Variants in ENOX1 observed in about 807,000 individuals in gnomAD.
The protein encoded by ENOX1 is candidate growth-related and time keeping constitutive hydroquinone (NADH) oxidase.
ENOX1 carries 42 observed loss-of-function variants against 82.5 expected under a neutral mutation model. The observed-to-expected ratio is 0.51, with a 90% CI of 0.40 to 0.66. The LOEUF is 0.66. Ranked by LOEUF, ENOX1 falls within the 30% of genes least tolerant of loss-of-function variation. ENOX1 has a pLI of 0.00. For missense variants in ENOX1, 608 were observed against 811.6 expected (o/e 0.75, Z 3.05); for synonymous variants, 271 against 282.2 (o/e 0.96, Z 0.40).
At chr13:43,315,098 T>C (rs950264558) in intron 11 of ENOX1, among the ~76,000 whole-genome samples, 7 of 152,228 alleles carry the variant, frequency 4.6e-5, no homozygotes, top group South Asian at 2.1e-4. Context: ...AAAATACTTA[T>C]GTAGTTAACT....
chr13:43,644,354 T>G (rs969989259), intron 2 of ENOX1, among the ~76,000 whole-genome samples: 10 of 152,218 alleles, frequency 6.6e-5, no homozygotes, highest in Admixed American at 5.9e-4. Flanking sequence ...GATAGCTCTG[T>G]GTACGCCTAC....
At chr13:43,231,099 G>A (rs143994230) in intron 15 of ENOX1, among the ~76,000 whole-genome samples, 1 of 152,298 alleles carries the variant, frequency 6.6e-6, no homozygotes, top group Non-Finnish European at 1.5e-5. Flanking sequence ...GGAGCACCTT[G>A]GGGCTTTCCA....
chr13:43,766,675 T>C (rs1319884588), intron 1 of ENOX1, among the ~76,000 whole-genome samples: 2 of 152,322 alleles, frequency 1.3e-5, no homozygotes, highest in East Asian at 3.9e-4. Context: ...CAAGTCCCAA[T>C]GTTCCCATTG....
At chr13:43,401,192 T>A (rs1054500120) in intron 5 of ENOX1, among the ~76,000 whole-genome samples, 1 of 152,176 alleles carries the variant, frequency 6.6e-6, no homozygotes, top group Admixed American at 6.5e-5. Flanking sequence ...ACTTCTTATA[T>A]CCCTAGGCAA....
intron 1 of ENOX1, among the ~76,000 whole-genome samples, chr13:43,728,232 G>T (rs531928953): frequency 1.3e-5 from 2 of 152,250 alleles, no homozygotes; most frequent in South Asian, 4.2e-4. Context: ...TCTTTTTCTT[G>T]AACAGTCCTT....
At chr13:43,720,396 A>G (rs1248571077) in intron 1 of ENOX1, among the ~76,000 whole-genome samples, 2 of 152,122 alleles carry the variant, frequency 1.3e-5, no homozygotes, top group Non-Finnish European at 2.9e-5. Flanking sequence ...TTCCTTCCTC[A>G]ATGGCTACTC....
At chr13:43,214,609 A>G (rs1028796548) in intron 16 of ENOX1, among the ~76,000 whole-genome samples, 21 of 152,172 alleles carry the variant, frequency 1.4e-4, no homozygotes, top group African/African-American at 4.8e-4. Flanking sequence ...TAGACCAGAG[A>G]CCATAAAGCT....
At chr13:43,710,722 A>G (rs1211396677) in intron 1 of ENOX1, among the ~76,000 whole-genome samples, 1 of 152,188 alleles carries the variant, frequency 6.6e-6, no homozygotes, top group Non-Finnish European at 1.5e-5. Flanking sequence ...AAGAATTAAC[A>G]GAATCAATAC....
At chr13:43,468,905 G>A (rs1367516257) in intron 3 of ENOX1, among the ~76,000 whole-genome samples, 3 of 152,026 alleles carry the variant, frequency 2.0e-5, no homozygotes, top group African/African-American at 7.2e-5. Context: ...ATTTTAAATT[G>A]CTCCTTGCTA....
chr13:43,731,906 C>T (rs1386596916), intron 1 of ENOX1, among the ~76,000 whole-genome samples: 1 of 152,094 alleles, frequency 6.6e-6, no homozygotes, highest in Non-Finnish European at 1.5e-5. Context: ...AGGAGCTTGC[C>T]CCTGGGCTTG....
chr13:43,219,215 G>A lies in ENOX1; in HGVS notation c.1800+4838C>T, dbSNP rs141602883. On this transcript the variant is annotated intron_variant, in intron 16 of 16. Coordinates refer to ENST00000690772, the MANE Select transcript of ENOX1 (RefSeq NM_001347969.2). ...GCAGGTAAGTGAAGGGGTAGAACTT[G>A]GAGCAAGGATTATGAATCCAGCCCG... Among the ~76,000 whole-genome samples, 633 of 152,284 alleles carry A rather than the reference G, an allele frequency of 4.2e-3. 8 individuals are homozygous for A. Among genetic ancestry groups the A allele is most frequent in the African/African-American group, 0.015 (606 of 41,550 alleles).
At chr13:43,644,234 G>A (rs2083792407) in intron 2 of ENOX1, among the ~76,000 whole-genome samples, 1 of 152,152 alleles carries the variant, frequency 6.6e-6, no homozygotes, top group Admixed American at 6.6e-5. Context: ...TTTCAACCCT[G>A]ATTAGTATGT....
At chr13:43,223,943 C>T (rs1387971407) in intron 16 of ENOX1, 110 bp downstream of exon 16, 8 of 731,680 alleles carry the variant, frequency 1.1e-5, no homozygotes, top group South Asian at 1.8e-5. Context: ...GGCTGATCAA[C>T]CCCCATAGGC....
At chr13:43,653,440 A>G (rs140702104) in intron 2 of ENOX1, among the ~76,000 whole-genome samples, 3 of 152,312 alleles carry the variant, frequency 2.0e-5, no homozygotes, top group East Asian at 1.9e-4. Flanking sequence ...TTGAAAACAT[A>G]TATTTCTTCA....
chr13:43,448,536 A>G (rs1223022993), intron 3 of ENOX1, among the ~76,000 whole-genome samples: 1 of 152,216 alleles, frequency 6.6e-6, no homozygotes, highest in Non-Finnish European at 1.5e-5. Context: ...TTATTGGGAG[A>G]AAAGTGAAGA....
At chr13:43,523,885 G>A (rs547977449) in intron 2 of ENOX1, among the ~76,000 whole-genome samples, 13 of 152,190 alleles carry the variant, frequency 8.5e-5, no homozygotes, top group Admixed American at 3.3e-4. Context: ...AGTGATTCAC[G>A]TGCAGGACAT....
intron 5 of ENOX1, among the ~76,000 whole-genome samples, chr13:43,377,514 A>C (rs1192507997): frequency 6.6e-6 from 1 of 152,238 alleles, no homozygotes; most frequent in African/African-American, 2.4e-5. Context: ...TCCCACGAAC[A>C]AAACTCCTAG....
chr13:43,574,881 T>C (rs963981215), intron 2 of ENOX1, among the ~76,000 whole-genome samples: 3 of 152,184 alleles, frequency 2.0e-5, no homozygotes, highest in Non-Finnish European at 2.9e-5. Flanking sequence ...TTTCCCACAA[T>C]GACTGGCATC....
chr13:43,747,843 G>C (rs1343100167), intron 1 of ENOX1, among the ~76,000 whole-genome samples: 1 of 152,170 alleles, frequency 6.6e-6, no homozygotes, highest in African/African-American at 2.4e-5. Flanking sequence ...TAGAATTCAT[G>C]GAAGTTCTTG....
Sources: allele counts gnomAD v4.1 joint callset (sites outside exome capture counted in the v4.1 genomes callset), GRCh38; gene constraint gnomAD v4.1.1; transcripts MANE v1.5; gene names NCBI Gene and HGNC (gene_info 2026-07-23, HGNC 2026-07-21).